SH3KBP1: variants seen among roughly 807,000 people sequenced by gnomAD.
SH3KBP1 encodes SH3 domain containing kinase binding protein 1.
In SH3KBP1, 8 loss-of-function variants were observed where a neutral mutation model predicts 50.1. The observed-to-expected ratio is 0.16, with a 90% confidence interval of 0.09 to 0.29. The LOEUF (loss-of-function observed/expected upper bound fraction) is 0.29, where lower values mean the gene tolerates loss of function less well. Among genes scored for constraint, SH3KBP1 ranks in the 10% least tolerant of loss-of-function variants. The pLI is 1.00. For missense variants in SH3KBP1, 377 were observed against 535.2 expected (o/e 0.70, Z 2.92); for synonymous variants, 227 against 218.6 (o/e 1.04, Z -0.34).
intron 2 of SH3KBP1, among the ~76,000 whole-genome samples, chrX:19,798,295 C>G (rs2066783241): frequency 9.1e-6 from 1 of 109,800 alleles, no homozygotes; most frequent in South Asian, 4.0e-4. Flanking sequence ...CCATGTTGCC[C>G]AGGCTGGTCT....
chrX:19,875,142 C>T (rs954572157), intron 1 of SH3KBP1, among the ~76,000 whole-genome samples: 6 of 110,991 alleles, frequency 5.4e-5, no homozygotes, highest in African/African-American at 1.3e-4. Flanking sequence ...TCCCTAAAAG[C>T]GCCAGACGAT....
chrX:19,825,590 G>C lies in SH3KBP1; in HGVS notation c.162+10535C>G, dbSNP rs755257323. On this transcript the variant is annotated intron_variant, in intron 2 of 17. Transcript: ENST00000397821. ...TTGATGAGATAAAAAAGCATGGAAAGGGGCTGGGCACGGTGGTTCATGCCT... is the reference window on the plus strand; with the variant it reads ...TTGATGAGATAAAAAAGCATGGAAACGGGCTGGGCACGGTGGTTCATGCCT... 3.6e-5 allele frequency among the ~76,000 whole-genome samples: 4 copies of C among 111,781 alleles called. No individual in the cohort carries two copies. In the South Asian group the frequency reaches 1.5e-3, roughly 41 times the overall value.
At chrX:19,619,373 G>A (rs1007375782) in intron 8 of SH3KBP1, among the ~76,000 whole-genome samples, 5 of 112,870 alleles carry the variant, frequency 4.4e-5, no homozygotes, top group African/African-American at 1.3e-4. Context: ...GTCCTCGTAA[G>A]ATGGCTTTAA....
chrX:19,717,161 G>A (rs2063932477), intron 3 of SH3KBP1, among the ~76,000 whole-genome samples: 1 of 111,577 alleles, frequency 9.0e-6, no homozygotes, highest in South Asian at 3.7e-4. Context: ...CCACAAAGCA[G>A]ACATGGACAC....
At chrX:19,635,454 G>C (rs1034672311) in intron 7 of SH3KBP1, among the ~76,000 whole-genome samples, 5 of 109,454 alleles carry the variant, frequency 4.6e-5, no homozygotes, top group African/African-American at 1.7e-4. Context: ...CTTAGAGGAT[G>C]GGTCAACAGG....
intron 3 of SH3KBP1, among the ~76,000 whole-genome samples, chrX:19,725,840 GC>G (rs2064206244): frequency 8.9e-6 from 1 of 112,289 alleles, no homozygotes; most frequent in Non-Finnish European, 1.9e-5. Flanking sequence ...AGAAACCTGG[GC>G]CCTGACAAGC....
At chrX:19,820,435 C>G (rs185377022) in intron 2 of SH3KBP1, among the ~76,000 whole-genome samples, 2 of 111,717 alleles carry the variant, frequency 1.8e-5, no homozygotes, top group Non-Finnish European at 3.8e-5. Flanking sequence ...GGTGGAATGA[C>G]ACTTTTATCA....
chrX:19,767,793 G>A (rs963954323), intron 2 of SH3KBP1, among the ~76,000 whole-genome samples: 2 of 111,070 alleles, frequency 1.8e-5, no homozygotes. Context: ...CAGACATGCT[G>A]GGAAGCTGCG....
At chrX:19,811,474 C>G (rs1455354146) in intron 2 of SH3KBP1, among the ~76,000 whole-genome samples, 1 of 111,735 alleles carries the variant, frequency 8.9e-6, no homozygotes, top group Admixed American at 9.5e-5. Flanking sequence ...TGGACCGAAG[C>G]CTTCGGCAGC....
At chrX:19,538,267 C>T (rs2064776499) in intron 16 of SH3KBP1, among the ~76,000 whole-genome samples, 1 of 112,247 alleles carries the variant, frequency 8.9e-6, no homozygotes, top group African/African-American at 3.2e-5. Context: ...TGCAGTGGCA[C>T]GATCATGGGT....
At chrX:19,585,433 T>C (rs1341821411) in intron 12 of SH3KBP1, among the ~76,000 whole-genome samples, 2 of 111,539 alleles carry the variant, frequency 1.8e-5, no homozygotes, top group African/African-American at 3.3e-5. Flanking sequence ...GGTAAAGAAG[T>C]CCGGGGGTGT....
chrX:19,588,539 C>T (rs1311401642), intron 12 of SH3KBP1, 104 bp downstream of exon 12: 8 of 1,208,529 alleles, frequency 6.6e-6, no homozygotes, highest in Non-Finnish European at 8.9e-6. Flanking sequence ...TGAGCACCCC[C>T]TTCTCCTCTC....
At chrX:19,787,628 G>A (rs1014615017) in intron 2 of SH3KBP1, among the ~76,000 whole-genome samples, 1 of 112,072 alleles carries the variant, frequency 8.9e-6, no homozygotes, top group African/African-American at 3.3e-5. Flanking sequence ...AATAGCATCT[G>A]TGATGGGGAC....
chrX:19,551,468 A>C (rs2065235118), intron 13 of SH3KBP1, among the ~76,000 whole-genome samples: 1 of 110,467 alleles, frequency 9.1e-6, no homozygotes, highest in South Asian at 3.9e-4. Flanking sequence ...TGGCTCACTA[A>C]GCTGACCCCT....
chrX:19,578,801 G>T (rs930139684), intron 12 of SH3KBP1, among the ~76,000 whole-genome samples: 1 of 112,153 alleles, frequency 8.9e-6, no homozygotes, highest in African/African-American at 3.2e-5. Context: ...ACTGCTCATG[G>T]AACTTGGATC....
intron 2 of SH3KBP1, among the ~76,000 whole-genome samples, chrX:19,818,272 T>TG (rs2067421873): frequency 1.8e-5 from 2 of 112,505 alleles, no homozygotes; most frequent in South Asian, 7.2e-4. Context: ...AAATTGTGTG[T>TG]TTGATCTTAT....
At chrX:19,648,019 C>G in intron 6 of SH3KBP1, 1 of 374,651 alleles carries the variant, frequency 2.7e-6, no homozygotes, top group South Asian at 2.3e-5. Flanking sequence ...TATTCTCATA[C>G]CTAGATAAAT....
At chrX:19,828,592 G>A (rs1052933970) in intron 2 of SH3KBP1, among the ~76,000 whole-genome samples, 16 of 109,953 alleles carry the variant, frequency 1.5e-4, no homozygotes, top group African/African-American at 5.3e-4. Flanking sequence ...GACCAGCCTG[G>A]GCAATATGGT....
intron 9 of SH3KBP1, among the ~76,000 whole-genome samples, chrX:19,604,133 A>G (rs749661706): frequency 2.0e-4 from 22 of 112,115 alleles, no homozygotes; most frequent in Non-Finnish European, 2.8e-4. Context: ...ACACTGCTTC[A>G]TTAGAGTTCT....
Sources: allele counts gnomAD v4.1 joint callset (sites outside exome capture counted in the v4.1 genomes callset), GRCh38; gene constraint gnomAD v4.1.1; transcripts MANE v1.5; gene names NCBI Gene and HGNC (gene_info 2026-07-23, HGNC 2026-07-21).